MAGI2: variants seen among roughly 807,000 people sequenced by gnomAD.
MAGI2 encodes the protein membrane associated guanylate kinase, WW and PDZ domain containing 2.
A neutral mutation model predicts 133.3 loss-of-function variants in MAGI2; 35 were observed. That is an observed-to-expected ratio of 0.26 (90% CI 0.20 to 0.35). The LOEUF is 0.35. MAGI2 is among the 10% of genes least tolerant of loss of function. The pLI is 1.00. For synonymous variants in MAGI2, 729 were observed against 710.6 expected (o/e 1.03, Z -0.41); for missense variants, 1,636 against 1,863.4 (o/e 0.88, Z 2.25).
chr7:79,161,799 G>C (rs980202543), intron 1 of MAGI2, among the ~76,000 whole-genome samples: 1 of 152,006 alleles, frequency 6.6e-6, no homozygotes, highest in African/African-American at 2.4e-5. Context: ...AATTCAGATC[G>C]CAATTTTATG....
chr7:79,080,593 C>T (rs1027345381), intron 1 of MAGI2, among the ~76,000 whole-genome samples: 5 of 151,928 alleles, frequency 3.3e-5, no homozygotes, highest in Non-Finnish European at 7.4e-5. Flanking sequence ...TGCAATATGC[C>T]TCATTATACA....
intron 2 of MAGI2, among the ~76,000 whole-genome samples, chr7:78,739,488 A>G (rs1388120109): frequency 6.6e-6 from 1 of 152,204 alleles, no homozygotes; most frequent in Admixed American, 6.5e-5. Flanking sequence ...TTTGGAGAAG[A>G]TTAGCACTGT....
intron 1 of MAGI2, among the ~76,000 whole-genome samples, chr7:79,338,112 G>A (rs1201731347): frequency 6.6e-6 from 1 of 152,102 alleles, no homozygotes; most frequent in Non-Finnish European, 1.5e-5. Context: ...TTTTGGATTT[G>A]TAACGATTAA....
At chr7:78,356,631 A>T (rs1013528157) in intron 7 of MAGI2, among the ~76,000 whole-genome samples, 2 of 152,228 alleles carry the variant, frequency 1.3e-5, no homozygotes, top group South Asian at 2.1e-4. Context: ...AAGGACATGG[A>T]AACATGTTAA....
chr7:78,277,559 A>G (rs575602878), intron 9 of MAGI2, among the ~76,000 whole-genome samples: 2 of 152,300 alleles, frequency 1.3e-5, no homozygotes, highest in African/African-American at 4.8e-5. Flanking sequence ...GGTTAGCAAG[A>G]GAGTGGATTC....
intron 2 of MAGI2, among the ~76,000 whole-genome samples, chr7:78,875,684 A>G (rs1033494644): frequency 1.3e-5 from 2 of 152,210 alleles, no homozygotes; most frequent in Admixed American, 6.5e-5. Context: ...TCAACCCAAA[A>G]TTACTAAATA....
intron 2 of MAGI2, among the ~76,000 whole-genome samples, chr7:78,670,894 T>C (rs1459096026): frequency 6.6e-6 from 1 of 152,168 alleles, no homozygotes; most frequent in Non-Finnish European, 1.5e-5. Context: ...TAAAAATGCT[T>C]AGAACAATGG....
chr7:79,272,527 G>A (rs1198765187), intron 1 of MAGI2, among the ~76,000 whole-genome samples: 2 of 151,934 alleles, frequency 1.3e-5, no homozygotes, highest in Non-Finnish European at 1.5e-5. Context: ...TTAGTTCACC[G>A]AACTTGTATC....
chr7:78,783,639 T>C (rs1826572616), intron 2 of MAGI2, among the ~76,000 whole-genome samples: 2 of 152,188 alleles, frequency 1.3e-5, no homozygotes, highest in Non-Finnish European at 2.9e-5. Context: ...TAAAGTGTAA[T>C]TGAATTACAG....
At chr7:78,423,521 AC>A (rs1406370164) in intron 6 of MAGI2, among the ~76,000 whole-genome samples, 3 of 152,216 alleles carry the variant, frequency 2.0e-5, no homozygotes, top group African/African-American at 7.2e-5. Flanking sequence ...TGTGGAAGCA[AC>A]TTTGGAATTG....
In MAGI2 at chr7:79,231,414, C is replaced by T. The variant is rs1416030387; in HGVS notation, c.301+221606G>A. On this transcript the variant is annotated intron_variant, in intron 1 of 21. Transcript: ENST00000354212. ...GGCCATTTTCACGATATTGATTCTT[C>T]CTACCCATGACCATGGAATGTTCTT... 1.4e-4 allele frequency among the ~76,000 whole-genome samples: 11 copies of T among 76,536 alleles called. 4 individuals are homozygous for T. Among genetic ancestry groups the T allele is most frequent in the Non-Finnish European group, 3.3e-4 (10 of 30,488 alleles). 50.2% of individuals were successfully genotyped at this position (76,536 alleles called of 152,430 possible).
At chr7:78,597,384 G>T (rs1473564116) in intron 3 of MAGI2, among the ~76,000 whole-genome samples, 2 of 146,334 alleles carry the variant, frequency 1.4e-5, no homozygotes, top group Admixed American at 1.4e-4. Context: ...TGGGGGGGGG[G>T]GTCTTATAAA....
At chr7:78,826,345 T>A (rs1584046245) in intron 2 of MAGI2, among the ~76,000 whole-genome samples, 1 of 123,386 alleles carries the variant, frequency 8.1e-6, no homozygotes. Context: ...AGAGTGAGAC[T>A]CCGTCTAAAA....
chr7:78,348,875 G>C (rs989191786), intron 7 of MAGI2, among the ~76,000 whole-genome samples: 2 of 152,164 alleles, frequency 1.3e-5, no homozygotes, highest in East Asian at 1.9e-4. Context: ...TTATTTACTA[G>C]AGTTTTGTTG....
chr7:78,860,507 T>C (rs1794067462), intron 2 of MAGI2, among the ~76,000 whole-genome samples: 1 of 152,170 alleles, frequency 6.6e-6, no homozygotes, highest in Non-Finnish European at 1.5e-5. Flanking sequence ...TGCTGGAGGT[T>C]CACTCCAGAC....
In MAGI2 at chr7:78,019,422, C is replaced by T. The variant is rs1584845916; in HGVS notation, c.4261G>A (p.Gly1421Ser). 1 of 1,091,480 alleles carries T rather than the reference C, an allele frequency of 9.2e-7. No homozygotes were observed. The highest frequency in any genetic ancestry group is 1.1e-6 in the Non-Finnish European group (1 of 899,856). 67.6% of individuals were successfully genotyped at this position (1,091,480 alleles called of 1,614,324 possible). ...GPRPGPRPPG[G>S]APARKAAVAP... Reference sequence around the variant, plus strand: ...ACGGCGGCCTTGCGCGCCGGGGCGCCCCCCGGGGGTCGCGGGCCCGGCCGG... The same window carrying T: ...ACGGCGGCCTTGCGCGCCGGGGCGCTCCCCGGGGGTCGCGGGCCCGGCCGG... Residue 1421 changes from glycine to serine, a missense_variant, in exon 22 of 22, where the codon GGC (glycine) becomes AGC (serine). By Grantham distance (56) the Gly-to-Ser change is moderately conservative. Around this residue, in one of 5 missense-constraint regions of MAGI2, gnomAD observed 354 missense variants for 298.7 expected, o/e 1.19. Coordinates refer to ENST00000354212, the MANE Select transcript of MAGI2 (RefSeq NM_012301.4).
chr7:78,541,297 C>T (rs961119519), intron 3 of MAGI2, among the ~76,000 whole-genome samples: 4 of 152,194 alleles, frequency 2.6e-5, no homozygotes, highest in African/African-American at 9.7e-5. Context: ...GGTAGCCCAA[C>T]AGCAGTTTAA....
intron 21 of MAGI2, among the ~76,000 whole-genome samples, chr7:78,051,800 G>T (rs1288957790): frequency 6.6e-6 from 1 of 151,322 alleles, no homozygotes; most frequent in Admixed American, 6.6e-5. Context: ...GGCCAGGCTG[G>T]TCTTGAACCC....
intron 1 of MAGI2, among the ~76,000 whole-genome samples, chr7:79,323,799 G>A (rs73375156): frequency 0.047 from 7,206 of 152,152 alleles, 278 homozygotes; most frequent in African/African-American, 0.11. Context: ...ACAGCTCAAA[G>A]GTGTATATGG....
Sources: allele counts gnomAD v4.1 joint callset (sites outside exome capture counted in the v4.1 genomes callset), GRCh38; gene constraint gnomAD v4.1.1; regional missense constraint gnomAD v4.1.1; transcripts MANE v1.5; gene names NCBI Gene and HGNC (gene_info 2026-07-23, HGNC 2026-07-21).